The following GNAI2 variants were observed in gnomAD, a reference collection of about 807,000 sequenced individuals.
The protein encoded by GNAI2 is G protein subunit alpha i2.
GNAI2 carries 4 observed loss-of-function variants against 36.8 expected under a neutral mutation model. The observed-to-expected ratio is 0.11, with a 90% CI of 0.05 to 0.25. The LOEUF is 0.25. Ranked by LOEUF, GNAI2 falls within the 10% of genes least tolerant of loss-of-function variation. The pLI is 1.00. For synonymous variants in GNAI2, 194 were observed against 194.1 expected, an observed-to-expected ratio of 1.00 and a Z score of 0.01; for missense variants, 230 against 481.3, an observed-to-expected ratio of 0.48 and a Z score of 4.89.
rs782786744 is a variant in GNAI2, at chr3:50,257,601, G to A, written c.979G>A (p.Ala327Thr). 3.1e-6 allele frequency: 5 copies of A among 1,610,440 alleles called. No individual in the cohort carries two copies. The highest frequency in any genetic ancestry group is 1.7e-6 in the Non-Finnish European group (2 of 1,177,930). ...TKEIYTHFTC[A>T]TDTKNVQFVF... ...GGAGATCTACACGCACTTCACGTGCGCCACCGACACCAAGAACGTGCAGTT... is the reference window on the plus strand; with the variant it reads ...GGAGATCTACACGCACTTCACGTGCACCACCGACACCAAGAACGTGCAGTT... Residue 327 changes from alanine to threonine, a missense_variant, in exon 8 of 9, where the codon GCC (alanine) becomes ACC (threonine). Ala to Thr is a moderately conservative substitution (Grantham distance 58, BLOSUM62 0). Around this residue, in one of 4 missense-constraint regions of GNAI2, gnomAD observed 17 missense variants for 48.5 expected, o/e 0.35. Coordinates refer to ENST00000313601, the MANE Select transcript of GNAI2 (RefSeq NM_002070.4).
At position 50,238,923 on chromosome 3, in the gene GNAI2, A is replaced by G. The variant is rs1575440338; in HGVS notation, c.118+2470A>G. Among the ~76,000 whole-genome samples, 1 of 152,126 alleles carries G rather than the reference A, an allele frequency of 6.6e-6. No individual in the cohort carries two copies. Among genetic ancestry groups the G allele is most frequent in the South Asian group, 2.1e-4 (1 of 4,820 alleles). ...ACCACGCCTGCTGCCCCGCCCGCAC[A>G]CCGCCTCCCTCCCATCTTGGGTAGC... On this transcript the variant is annotated intron_variant, in intron 1 of 8. Coordinates refer to ENST00000313601, the MANE Select transcript of GNAI2 (RefSeq NM_002070.4). This position sits in a 1 kb window ranked among gnomAD's most constrained non-coding sequence, Gnocchi z 5.0.
rs1553702849 is a variant in GNAI2, at chr3:50,253,614, G to A, written c.464+430G>A. On this transcript the variant is annotated intron_variant, in intron 4 of 8. Transcript: ENST00000313601. This position sits in a 1 kb window ranked among gnomAD's most constrained non-coding sequence, Gnocchi z 4.2. ...AAAAAATTAGCCGGGCGTGGTGGAG[G>A]GCGCCTGTAGTCCCAGCTACTCAGG... Among the ~76,000 whole-genome samples the A allele has an allele frequency of 6.6e-6, 1 of 152,152 alleles. No homozygotes were observed. Among genetic ancestry groups the A allele is most frequent in the East Asian group, 1.9e-4 (1 of 5,192 alleles).
Position 50,257,102 on chromosome 3 carries a change from GT to G in GNAI2, c.877+13del, listed in dbSNP as rs1559777647. 1 of 1,611,240 alleles carries G rather than the reference GT, an allele frequency of 6.2e-7. No homozygotes were observed. The highest frequency in any genetic ancestry group is 1.1e-5 in the South Asian group (1 of 91,024). Reference sequence around the variant, plus strand: ...CCCTGAGTACACAGGTGTGGGGACTGTGGGGATAGGGCCTCCAGAGGGTTGC... The same window carrying G: ...CCCTGAGTACACAGGTGTGGGGACTGGGGGATAGGGCCTCCAGAGGGTTGC... On this transcript the variant is annotated intron_variant, in intron 7 of 8. Transcript: ENST00000313601.
chr3:50,251,592 T>C (rs1553702446), intron 1 of GNAI2: 1 of 1,235,008 alleles, frequency 8.1e-7, no homozygotes. Context: ...TCCAGAAAGC[T>C]GAAGTGTGAC....
chr3:50,251,728 T>G, intron 1 of GNAI2: 1 of 1,321,172 alleles, frequency 7.6e-7, no homozygotes, highest in Non-Finnish European at 9.9e-7. Context: ...CATATTGGCA[T>G]GCACCAGCTG....
Position 50,255,472 on chromosome 3 carries a change from C to T in GNAI2, c.465-720C>T, listed in dbSNP as rs140443646. ...CAGCACCACATCGAGGGACCGCACCCGGCTGCTCTGCGGCTAATGCCGTAA... is the reference window on the plus strand; with the variant it reads ...CAGCACCACATCGAGGGACCGCACCTGGCTGCTCTGCGGCTAATGCCGTAA... On this transcript the variant is annotated intron_variant, in intron 4 of 8. Transcript: ENST00000313601. The surrounding 1 kb of genome is among the most constrained non-coding windows in gnomAD (Gnocchi z 4.0). 1.0e-3 allele frequency among the ~76,000 whole-genome samples: 156 copies of T among 152,372 alleles called. No homozygotes were observed. Among genetic ancestry groups the T allele is most frequent in the Middle Eastern group, 3.4e-3 (1 of 294 alleles).
At chr3:50,248,401 G>A (rs1212599409) in intron 1 of GNAI2, among the ~76,000 whole-genome samples, 2 of 152,176 alleles carry the variant, frequency 1.3e-5, no homozygotes, top group Non-Finnish European at 2.9e-5. Flanking sequence ...AGCCAGAGAT[G>A]GGGAGAGTGA....
chr3:50,232,059 G>A (rs587640193), upstream of GNAI2, among the ~76,000 whole-genome samples: 4 of 151,304 alleles, frequency 2.6e-5, no homozygotes, highest in East Asian at 3.9e-4. Flanking sequence ...GGCCGTGCAC[G>A]GTGGCTCACA....
rs1700581732 is a variant in GNAI2 at position 50,252,439 on chromosome 3, G to A, written c.204G>A (p.Gln68=). Residue 68 remains glutamine (Q), a synonymous_variant, in exon 3 of 9, where the codon CAG becomes CAA. Coordinates refer to ENST00000313601, the MANE Select transcript of GNAI2 (RefSeq NM_002070.4). This position sits in a 1 kb window ranked among gnomAD's most constrained non-coding sequence, Gnocchi z 4.1. The part of the protein sequence containing the change: ...EDGYSEEECR[Q]YRAVVYSNTI... ...GCTACTCCGAGGAGGAATGCCGGCA[G>A]TACCGGGCGGTTGTCTACAGCAACA... is the stretch of plus-strand genomic sequence containing the variant. 1.2e-6 allele frequency: 2 copies of A among 1,613,640 alleles called. No individual in the cohort carries two copies. The highest frequency in any genetic ancestry group is 2.2e-5 in the East Asian group (1 of 44,878).
At position 50,238,435 on chromosome 3, in the gene GNAI2, C is replaced by G. The variant is rs1700231641; in HGVS notation, c.118+1982C>G. ...GGCTAAGGCAAGTGAGACCTGGTAA[C>G]TCCTCCCACACTGGGCTGGCAGCAG... On this transcript the variant is annotated intron_variant, in intron 1 of 8. Coordinates refer to ENST00000313601, the MANE Select transcript of GNAI2 (RefSeq NM_002070.4). This position sits in a 1 kb window ranked among gnomAD's most constrained non-coding sequence, Gnocchi z 5.0. 6.6e-6 allele frequency: 1 copy of G among 152,366 alleles called. No individual in the cohort carries two copies. The highest frequency in any genetic ancestry group is 1.5e-5 in the Non-Finnish European group (1 of 68,138). The allele number at this position is 152,366 out of a possible 1,614,324, so 9.4% of individuals were successfully genotyped here.
At chr3:50,227,301 G>T, upstream of GNAI2, 1 of 543,364 alleles carries the variant, frequency 1.8e-6, no homozygotes, top group Non-Finnish European at 2.9e-6. This position sits in a 1 kb window ranked among gnomAD's most constrained non-coding sequence, Gnocchi z 5.9. Context: ...GACGCGTGAC[G>T]GCTGCAGCTC....
chr3:50,253,010 G>A lies in GNAI2; in HGVS notation c.304-14G>A, dbSNP rs1553702746. On this transcript the variant is annotated splice_polypyrimidine_tract_variant and intron_variant, in intron 3 of 8. Transcript: ENST00000313601. The surrounding 1 kb of genome is among the most constrained non-coding windows in gnomAD (Gnocchi z 4.2). ...CATTCCTTCAACTGCCTGACCACCC[G>A]CCACTGTGCCCAGGACGACGCCAGG... The A allele has an allele frequency of 2.5e-6, 4 of 1,569,094 alleles. No individual in the cohort carries two copies. Among genetic ancestry groups the A allele is most frequent in the East Asian group, 2.3e-5 (1 of 43,918 alleles).
At chr3:50,237,723 T>C (rs1399235440) in intron 1 of GNAI2, among the ~76,000 whole-genome samples, 4 of 145,842 alleles carry the variant, frequency 2.7e-5, no homozygotes, top group Admixed American at 6.9e-5. Flanking sequence ...CCACTGGAAG[T>C]AGGTGTGGTG....
chr3:50,246,898 G>T, intron 1 of GNAI2: 2 of 1,441,280 alleles, frequency 1.4e-6, no homozygotes, highest in Non-Finnish European at 1.8e-6. Context: ...GGAGCCAGTA[G>T]CTCTGACTCC....
intron 1 of GNAI2, among the ~76,000 whole-genome samples, chr3:50,237,659 C>A (rs1221765765): frequency 3.9e-5 from 6 of 152,048 alleles, no homozygotes; most frequent in African/African-American, 1.2e-4. Flanking sequence ...TCTGAGCATC[C>A]CAGCTGGCCT....
rs79233068 is a variant in GNAI2 at position 50,242,592 on chromosome 3, G to C, written c.118+6139G>C. On this transcript the variant is annotated intron_variant, in intron 1 of 8. Coordinates refer to ENST00000313601, the MANE Select transcript of GNAI2 (RefSeq NM_002070.4). This position sits in a 1 kb window ranked among gnomAD's most constrained non-coding sequence, Gnocchi z 4.8. Reference sequence around the variant, plus strand: ...CCAGCCCTTCTAGCTTGAAGCTCTCGTTCTTACTAAACCCCAACCCCACCC... The same window carrying C: ...CCAGCCCTTCTAGCTTGAAGCTCTCCTTCTTACTAAACCCCAACCCCACCC... Among the ~76,000 whole-genome samples the C allele has an allele frequency of 6.6e-6, 1 of 151,654 alleles. No individual in the cohort carries two copies.
At chr3:50,239,848 CCA>C (rs1700261314) in intron 1 of GNAI2, 1 of 152,396 alleles carries the variant, frequency 6.6e-6, no homozygotes, top group Non-Finnish European at 1.5e-5. Flanking sequence ...ACTGCAGTAG[CCA>C]CAGTCGAGCT....
At chr3:50,229,055 T>G (rs1700027389), upstream of GNAI2, 1 of 152,174 alleles carries the variant, frequency 6.6e-6, no homozygotes, top group African/African-American at 2.4e-5. Flanking sequence ...AGGGCTGTTT[T>G]TGCTCCTTCA....
chr3:50,234,062 ATTTTTTT>A (rs782209651), upstream of GNAI2, among the ~76,000 whole-genome samples: 90 of 82,512 alleles, frequency 1.1e-3, no homozygotes, highest in Non-Finnish European at 1.9e-3. Flanking sequence ...CGCCCAGCTG[ATTTTTTT>A]TTTTTTTTTT....
Sources: allele counts gnomAD v4.1 joint callset (sites outside exome capture counted in the v4.1 genomes callset), GRCh38; gene constraint gnomAD v4.1.1; regional missense constraint gnomAD v4.1.1; non-coding constraint Gnocchi (gnomAD v3.1); transcripts MANE v1.5; gene names NCBI Gene and HGNC (gene_info 2026-07-23, HGNC 2026-07-21).